RIMS2: variants seen among roughly 807,000 people sequenced by gnomAD.
RIMS2 encodes regulating synaptic membrane exocytosis 2, also known as regulating synaptic membrane exocytosis protein 2.
A neutral mutation model predicts 174.4 loss-of-function variants in RIMS2; 59 were observed. The observed-to-expected ratio is 0.34, with a 90% CI of 0.27 to 0.42. The LOEUF (loss-of-function observed/expected upper bound fraction) is 0.42. Ranked by LOEUF, RIMS2 falls within the 10% of genes least tolerant of loss-of-function variation. The pLI, the probability that RIMS2 is intolerant of heterozygous loss-of-function variation, is 1.00. For missense variants in RIMS2, 1,620 were observed against 1,666.3 expected (o/e 0.97, Z 0.48); for synonymous variants, 606 against 572.5 (o/e 1.06, Z -0.84).
chr8:104,173,029 A>G (rs1319693136), intron 19 of RIMS2, among the ~76,000 whole-genome samples: 3 of 152,172 alleles, frequency 2.0e-5, no homozygotes, highest in Admixed American at 2.0e-4. Context: ...AAATGTTACC[A>G]GTGTCCATAC....
rs558289919 is a variant in RIMS2, at chr8:103,867,687, G to A, written c.699-17611G>A. Among the ~76,000 whole-genome samples, 109 of 151,888 alleles carry A rather than the reference G, an allele frequency of 7.2e-4. 1 individual carries two copies. Among genetic ancestry groups the A allele is most frequent in the African/African-American group, 2.2e-3 (93 of 41,496 alleles). On this transcript the variant is annotated intron_variant, in intron 3 of 23. Transcript: ENST00000504942. The stretch of plus-strand genomic sequence containing the variant: ...TAATAATAATTATGATAATAACCTC[G>A]ACAAAGATAGCATGTACTTCTAATG...
chr8:103,796,633 C>T (rs1490372032), intron 3 of RIMS2, among the ~76,000 whole-genome samples: 1 of 152,042 alleles, frequency 6.6e-6, no homozygotes, highest in African/African-American at 2.4e-5. Flanking sequence ...CTCTGCTTTT[C>T]CTCTTATCTA....
chr8:103,793,783 C>A (rs1009559783), intron 3 of RIMS2, among the ~76,000 whole-genome samples: 1 of 152,088 alleles, frequency 6.6e-6, no homozygotes, highest in South Asian at 2.1e-4. Flanking sequence ...TCCTATACAC[C>A]AATAACAGAC....
intron 14 of RIMS2, among the ~76,000 whole-genome samples, chr8:103,958,125 C>T (rs773071590): frequency 2.0e-5 from 3 of 152,176 alleles, no homozygotes; most frequent in South Asian, 2.1e-4. Context: ...TAGCACTATT[C>T]GCAATAGCAA....
chr8:104,150,123 C>G (rs752311227), intron 19 of RIMS2, among the ~76,000 whole-genome samples: 9 of 151,964 alleles, frequency 5.9e-5, no homozygotes, highest in Non-Finnish European at 1.0e-4. Context: ...TTTTATACTT[C>G]TCTAATAGAA....
rs148618217 is a variant in RIMS2 at position 103,951,368 on chromosome 8, G to A, written c.2701+8442G>A. Among the ~76,000 whole-genome samples, 988 of 152,288 alleles carry A rather than the reference G, an allele frequency of 6.5e-3. 5 individuals are homozygous for A. Among genetic ancestry groups the A allele is most frequent in the African/African-American group, 0.014 (590 of 41,554 alleles). On this transcript the variant is annotated intron_variant, in intron 14 of 23. Coordinates refer to ENST00000504942, the Ensembl canonical transcript of RIMS2. ...CTGGTTTGCAGCTCCCAGCGAGATC[G>A]ACGCAGAAGGCGGGTGATTTCTGCA...
At chr8:103,772,383 TTTAAGAC>T (rs2098263793) in intron 3 of RIMS2, among the ~76,000 whole-genome samples, 1 of 151,946 alleles carries the variant, frequency 6.6e-6, no homozygotes, top group Non-Finnish European at 1.5e-5. Flanking sequence ...TTAAAAAAAC[TTTAAGAC>T]CATTAAAAAT....
chr8:103,993,207 G>A (rs1049423139), intron 17 of RIMS2, among the ~76,000 whole-genome samples: 1 of 152,152 alleles, frequency 6.6e-6, no homozygotes, highest in Non-Finnish European at 1.5e-5. Flanking sequence ...TCTGTAACAT[G>A]TCAGAAGTAC....
chr8:103,702,981 G>GT (rs1386885574), intron 2 of RIMS2, among the ~76,000 whole-genome samples: 4 of 124,466 alleles, frequency 3.2e-5, no homozygotes, highest in Middle Eastern at 4.1e-3. Context: ...GTTTTTGTGA[G>GT]TTTGTTTTTT....
chr8:103,633,543 G>T (rs916943149), intron 1 of RIMS2, among the ~76,000 whole-genome samples: 1 of 152,036 alleles, frequency 6.6e-6, no homozygotes, highest in Non-Finnish European at 1.5e-5. Context: ...GATGATGCTG[G>T]CCTCACAAAA....
At position 104,082,662 on chromosome 8, in the gene RIMS2, T is replaced by C. The variant is rs534945461; in HGVS notation, c.3334+68047T>C. Among the ~76,000 whole-genome samples, 4 of 152,260 alleles carry C rather than the reference T, an allele frequency of 2.6e-5. No individual in the cohort carries two copies. The South Asian group carries it at 6.2e-4, about 24-fold the overall frequency. On this transcript the variant is annotated intron_variant, in intron 19 of 23. Coordinates refer to ENST00000504942, the Ensembl canonical transcript of RIMS2. ...ACTTTGAATCTCTCAGTTAAAAATA[T>C]AGAATGTTCTACATTTTAAATTTTA... is the stretch of plus-strand genomic sequence containing the variant.
At chr8:103,961,254 CTA>C in intron 15 of RIMS2, 121 bp downstream of exon 17, 1 of 608,132 alleles carries the variant, frequency 1.6e-6, no homozygotes, top group Admixed American at 2.9e-5. Context: ...CCAAAACAGC[CTA>C]TGGCAACCTA....
At chr8:103,919,507 A>G (rs1002456927) in intron 9 of RIMS2, among the ~76,000 whole-genome samples, 10 of 151,716 alleles carry the variant, frequency 6.6e-5, no homozygotes, top group African/African-American at 2.4e-4. Context: ...AAATCTGGCT[A>G]CTAGATTGCA....
At chr8:104,217,380 C>T (rs1397821718) in intron 19 of RIMS2, among the ~76,000 whole-genome samples, 1 of 151,966 alleles carries the variant, frequency 6.6e-6, no homozygotes, top group African/African-American at 2.4e-5. Context: ...GTGATCCTCC[C>T]GCCTCAGCTC....
At chr8:104,160,218 A>C (rs1269315947) in intron 19 of RIMS2, among the ~76,000 whole-genome samples, 2 of 152,136 alleles carry the variant, frequency 1.3e-5, no homozygotes, top group African/African-American at 4.8e-5. Flanking sequence ...CCATCAGACT[A>C]TAAATTTCTT....
At chr8:103,723,735 G>T (rs1201584523) in intron 2 of RIMS2, among the ~76,000 whole-genome samples, 1 of 152,156 alleles carries the variant, frequency 6.6e-6, no homozygotes, top group Non-Finnish European at 1.5e-5. Context: ...GATGGGACTT[G>T]CTTGGTCCCT....
chr8:104,101,200 C>T (rs577555219), intron 19 of RIMS2, among the ~76,000 whole-genome samples: 11 of 150,568 alleles, frequency 7.3e-5, no homozygotes, highest in Non-Finnish European at 1.6e-4. Flanking sequence ...AATCTCGGCT[C>T]GCTGCAACTT....
intron 17 of RIMS2, among the ~76,000 whole-genome samples, chr8:103,994,641 A>G (rs1429992215): frequency 6.6e-6 from 1 of 152,116 alleles, no homozygotes; most frequent in Non-Finnish European, 1.5e-5. Context: ...GACCTTGAGT[A>G]TGGCTGTGGA....
chr8:103,808,439 G>C (rs571593683), intron 3 of RIMS2, among the ~76,000 whole-genome samples: 1 of 152,102 alleles, frequency 6.6e-6, no homozygotes, highest in East Asian at 1.9e-4. Context: ...CTACTTGCTT[G>C]GTTGAAATCA....
Sources: gnomAD v4.1 joint callset for allele counts (sites outside exome capture counted in the v4.1 genomes callset) on GRCh38, gnomAD v4.1.1 for gene constraint, MANE v1.5 for transcripts, NCBI Gene and HGNC (gene_info 2026-07-23, HGNC 2026-07-21) for gene names.